LYZL1: variants seen among roughly 807,000 people sequenced by gnomAD.
LYZL1 encodes lysozyme-like protein 1.
LYZL1 carries 16 observed loss-of-function variants against 17.9 expected under a neutral mutation model. The observed-to-expected ratio is 0.90, with a 90% CI of 0.61 to 1.36. The LOEUF is 1.36. LYZL1 is among the 40% of genes most tolerant of loss of function. LYZL1 has a pLI of 0.00. For synonymous variants in LYZL1, 58 were observed against 71.8 expected (o/e 0.81, Z 0.97); for missense variants, 149 against 188.4 (o/e 0.79, Z 1.22).
chr10:29,316,127 T>A (rs1399063182), downstream of LYZL1, among the ~76,000 whole-genome samples: 3 of 152,112 alleles, frequency 2.0e-5, no homozygotes, highest in Non-Finnish European at 4.4e-5. Flanking sequence ...AGGATCTGGA[T>A]CTGGGAGGAA....
chr10:29,310,475 G>A (rs574674826), intron 4 of LYZL1, among the ~76,000 whole-genome samples: 29 of 151,716 alleles, frequency 1.9e-4, no homozygotes, highest in Non-Finnish European at 3.7e-4. Flanking sequence ...GACTTGGAAA[G>A]GGTCAACTGA....
At position 29,298,486 on chromosome 10, in the gene LYZL1, G is replaced by A. The variant is rs991983529; in HGVS notation, c.298+5809G>A. ...GAGACCATTGACGGCAACTGTGTGC[G>A]TTGGCCTCTGAGTGCACAGAGCATG... is the stretch of plus-strand genomic sequence containing the variant. On this transcript the variant is annotated intron_variant, in intron 3 of 4. Coordinates refer to ENST00000649382, the MANE Select transcript of LYZL1 (RefSeq NM_032517.6). 5.3e-5 allele frequency among the ~76,000 whole-genome samples: 8 copies of A among 152,270 alleles called. No individual in the cohort carries two copies. The South Asian group carries it at 8.3e-4, about 16-fold the overall frequency.
intron 2 of LYZL1, 44 bp downstream of exon 2, chr10:29,292,050 C>T (rs759140344): frequency 2.0e-6 from 3 of 1,507,324 alleles, no homozygotes; most frequent in Admixed American, 3.7e-5. Context: ...CTTGACCTTT[C>T]CCCTGAGATG....
At chr10:29,289,995 T>A (rs1835339559) in intron 1 of LYZL1, among the ~76,000 whole-genome samples, 1 of 152,224 alleles carries the variant, frequency 6.6e-6, no homozygotes, top group Non-Finnish European at 1.5e-5. Context: ...GTTTGTAATG[T>A]ACATGCCCCT....
chr10:29,310,025 CT>C, intron 3 of LYZL1, 84 bp from the exon 4 acceptor site: 2 of 922,896 alleles, frequency 2.2e-6, no homozygotes, highest in Non-Finnish European at 3.3e-6. Context: ...TCCAAAAAGA[CT>C]GAGAAAAGTG....
downstream of LYZL1, among the ~76,000 whole-genome samples, chr10:29,312,644 A>C (rs188835740): frequency 6.6e-6 from 1 of 152,276 alleles, no homozygotes; most frequent in Admixed American, 6.5e-5. Flanking sequence ...GTGACATGGC[A>C]GTGAGCTGAG....
intron 3 of LYZL1, among the ~76,000 whole-genome samples, chr10:29,303,546 C>CTGAA (rs776207104): frequency 6.6e-6 from 1 of 152,102 alleles, no homozygotes; most frequent in Non-Finnish European, 1.5e-5. Flanking sequence ...CAGTTTCATT[C>CTGAA]CAGTTAAGGA....
At chr10:29,305,911 C>T (rs1835582405) in intron 3 of LYZL1, among the ~76,000 whole-genome samples, 1 of 152,202 alleles carries the variant, frequency 6.6e-6, no homozygotes, top group Admixed American at 6.5e-5. Context: ...AATTCCACTT[C>T]CAACAGAGTT....
At chr10:29,310,039 G>A (rs1210305486) in intron 3 of LYZL1, 71 bp from the exon 4 acceptor site, 25 of 1,087,830 alleles carry the variant, frequency 2.3e-5, no homozygotes, top group Middle Eastern at 2.1e-4. Flanking sequence ...GAAAAGTGAA[G>A]TAAAGTTGAG....
intron 3 of LYZL1, among the ~76,000 whole-genome samples, chr10:29,295,658 G>T (rs748701073): frequency 9.2e-5 from 14 of 152,154 alleles, no homozygotes; most frequent in African/African-American, 3.4e-4. Flanking sequence ...GAGATTATCC[G>T]GGACAATGTG....
intron 3 of LYZL1, among the ~76,000 whole-genome samples, chr10:29,294,205 G>A (rs10826594): frequency 0.4 from 60,927 of 151,728 alleles, 12,874 homozygotes; most frequent in East Asian, 0.6. Context: ...GAATCCCAGG[G>A]AAGGCAGGTG....
chr10:29,312,494 C>A (rs571114194), downstream of LYZL1, among the ~76,000 whole-genome samples: 2 of 152,164 alleles, frequency 1.3e-5, no homozygotes, highest in South Asian at 2.1e-4. Context: ...GATGGGACAC[C>A]CCTGATTTAA....
intron 4 of LYZL1, chr10:29,318,018 T>A: frequency 3.9e-6 from 1 of 255,938 alleles, no homozygotes; most frequent in Non-Finnish European, 6.1e-6. Context: ...AATAGGTGAT[T>A]TCTAACAGGA....
At chr10:29,313,104 C>T (rs1031955657), downstream of LYZL1, among the ~76,000 whole-genome samples, 1 of 152,156 alleles carries the variant, frequency 6.6e-6, no homozygotes, top group African/African-American at 2.4e-5. Context: ...CTAACCGCTA[C>T]TTGCCTAAAT....
At chr10:29,308,051 A>C (rs1378803107) in intron 3 of LYZL1, among the ~76,000 whole-genome samples, 3 of 152,218 alleles carry the variant, frequency 2.0e-5, no homozygotes, top group Non-Finnish European at 2.9e-5. Flanking sequence ...AAAACCTTTG[A>C]GTAATTGACA....
intron 4 of LYZL1, among the ~76,000 whole-genome samples, chr10:29,310,666 C>T (rs1835658764): frequency 6.6e-6 from 1 of 152,208 alleles, no homozygotes; most frequent in South Asian, 2.1e-4. Flanking sequence ...TGGGGCCTTG[C>T]ATTCGCTGCT....
At chr10:29,294,594 G>C (rs185450595) in intron 3 of LYZL1, among the ~76,000 whole-genome samples, 3 of 152,206 alleles carry the variant, frequency 2.0e-5, no homozygotes, top group Non-Finnish European at 4.4e-5. Context: ...AATGGTGCCT[G>C]GCCATTGCAG....
At chr10:29,295,830 C>T (rs1191535072) in intron 3 of LYZL1, among the ~76,000 whole-genome samples, 1 of 152,186 alleles carries the variant, frequency 6.6e-6, no homozygotes, top group Non-Finnish European at 1.5e-5. Context: ...GGCCATGAGT[C>T]AAGGGGTGTG....
chr10:29,301,846 C>G (rs1017826605), intron 3 of LYZL1, among the ~76,000 whole-genome samples: 1 of 151,814 alleles, frequency 6.6e-6, no homozygotes, highest in Non-Finnish European at 1.5e-5. Context: ...ATGTTTTTAG[C>G]CTTTTTCCCT....
Sources: gnomAD v4.1 joint callset for allele counts (sites outside exome capture counted in the v4.1 genomes callset) on GRCh38, gnomAD v4.1.1 for gene constraint, MANE v1.5 for transcripts, NCBI Gene and HGNC (gene_info 2026-07-23, HGNC 2026-07-21) for gene names.